SLC11A2: variants seen among roughly 807,000 people sequenced by gnomAD.
SLC11A2 encodes solute carrier family 11 member 2.
In SLC11A2, 38 loss-of-function variants were observed where a neutral mutation model predicts 68.0. The observed-to-expected ratio is 0.56, with a 90% confidence interval of 0.43 to 0.73. SLC11A2 has a LOEUF of 0.73. Ranked by LOEUF, SLC11A2 falls within the 30% of genes least tolerant of loss-of-function variation. The probability of loss-of-function intolerance (pLI) is 0.00; values close to 1 mark genes in which losing one functional copy is unlikely to be tolerated. For synonymous variants in SLC11A2, 242 were observed against 250.6 expected (o/e 0.97, Z 0.32); for missense variants, 517 against 690.5 (o/e 0.75, Z 2.82).
At position 51,025,855 on chromosome 12, in the gene SLC11A2, A is replaced by G. The variant is rs1944347499; in HGVS notation, c.-39+455T>C. Reference sequence around the variant, plus strand: ...TTAGGTTATAATGAGTCTTTTGTTGAAGCGGGGCGGCGGGAGGCCCCGGAG... The same window carrying G: ...TTAGGTTATAATGAGTCTTTTGTTGGAGCGGGGCGGCGGGAGGCCCCGGAG... On this transcript the variant is annotated intron_variant, in intron 1 of 15. Transcript: ENST00000262052. 28 of 988,502 alleles carry G rather than the reference A, an allele frequency of 2.8e-5. No individual in the cohort carries two copies. The South Asian group carries it at 1.0e-3, about 35-fold the overall frequency. The allele number at this position is 988,502 out of a possible 1,614,324, so 61.2% of individuals were successfully genotyped here. A position where few individuals can be genotyped will look rare whatever the true frequency, so the allele number is the denominator to read the frequency against.
chr12:50,983,048 G>T (rs1222384465), downstream of SLC11A2, among the ~76,000 whole-genome samples: 2 of 151,524 alleles, frequency 1.3e-5, no homozygotes, highest in Non-Finnish European at 3.0e-5. Context: ...TAGAGACAAG[G>T]CCTCACTATG....
downstream of SLC11A2, chr12:50,981,656 C>T (rs116261248): frequency 1.3e-3 from 1,267 of 986,430 alleles, 11 homozygotes; most frequent in African/African-American, 0.018. Context: ...CTAACAGAGA[C>T]GTTAACGGGA....
chr12:50,999,727 G>A (rs1243628593), intron 6 of SLC11A2, among the ~76,000 whole-genome samples: 1 of 152,132 alleles, frequency 6.6e-6, no homozygotes, highest in African/African-American at 2.4e-5. Flanking sequence ...AGTGGGGGCT[G>A]GGTGTAGTGG....
chr12:50,955,013 C>T, the SLC11A2 span, among the ~76,000 whole-genome samples: 4 of 152,134 alleles, frequency 2.6e-5, no homozygotes, highest in African/African-American at 4.8e-5. Flanking sequence ...ATAATTAGGC[C>T]GGGCACAGTG....
At chr12:50,978,245 A>G (rs1314934512), downstream of SLC11A2, among the ~76,000 whole-genome samples, 2 of 150,566 alleles carry the variant, frequency 1.3e-5, no homozygotes, top group Admixed American at 1.3e-4. Context: ...ACCAACCCAA[A>G]TGTCCAACAA....
the SLC11A2 span, among the ~76,000 whole-genome samples, chr12:50,963,349 G>A: frequency 2.6e-5 from 3 of 114,388 alleles, no homozygotes; most frequent in Non-Finnish European, 5.1e-5. Context: ...CAGCCTGGGT[G>A]AAAGGGCAAG....
At chr12:50,966,558 C>T in the SLC11A2 span, among the ~76,000 whole-genome samples, 1 of 152,180 alleles carries the variant, frequency 6.6e-6, no homozygotes, top group Admixed American at 6.5e-5. Flanking sequence ...CAGACATTAC[C>T]ATATTTCCCT....
intron 12 of SLC11A2, 54 bp downstream of exon 12, chr12:50,992,749 AGAAGAAG>A: frequency 6.9e-7 from 1 of 1,450,912 alleles, no homozygotes. Flanking sequence ...AAAAAAAAGA[AGAAGAAG>A]AAGAAGTAAC....
Position 51,005,293 on chromosome 12 carries a change from G to A in SLC11A2, c.309+18C>T. On this transcript the variant is annotated intron_variant, in intron 4 of 15. Transcript: ENST00000262052. ...GTATTATGTGCTTAAAAGGACAGGGGTAGGACTAGATGTTCACCTTAAATC... is the reference window on the plus strand; with the variant it reads ...GTATTATGTGCTTAAAAGGACAGGGATAGGACTAGATGTTCACCTTAAATC... 1 of 1,613,382 alleles carries A rather than the reference G, an allele frequency of 6.2e-7. No individual in the cohort carries two copies. The highest frequency in any genetic ancestry group is 8.5e-7 in the Non-Finnish European group (1 of 1,179,450).
chr12:51,003,279 T>C (rs112132734), intron 5 of SLC11A2, among the ~76,000 whole-genome samples: 2,828 of 152,020 alleles, frequency 0.019, 73 homozygotes, highest in African/African-American at 0.064. Flanking sequence ...GGCTCATGCC[T>C]GTAATCCCAG....
At chr12:50,961,450 A>G in the SLC11A2 span, among the ~76,000 whole-genome samples, 7 of 152,164 alleles carry the variant, frequency 4.6e-5, no homozygotes, top group African/African-American at 1.7e-4. Context: ...CATGGCTAAG[A>G]GCAGCGATCG....
Position 51,000,469 on chromosome 12 carries a change from A to G in SLC11A2, c.430-50T>C, listed in dbSNP as rs758577494. 30 of 1,414,506 alleles carry G rather than the reference A, an allele frequency of 2.1e-5. No homozygotes were observed. The African/African-American group carries it at 3.1e-4, about 15-fold the overall frequency. The allele number at this position is 1,414,506 out of a possible 1,614,324, so 87.6% of individuals were successfully genotyped here. On this transcript the variant is annotated intron_variant, in intron 5 of 15. Coordinates refer to ENST00000262052, the MANE Select transcript of SLC11A2 (RefSeq NM_000617.3). ...ACGGTTCTGATTAATCATTTCTAAA[A>G]AATTCCTCCACAATTTGGAATTCAC...
chr12:51,009,090 C>T, intron 2 of SLC11A2: 2 of 1,295,774 alleles, frequency 1.5e-6, no homozygotes, highest in Non-Finnish European at 2.2e-6. Context: ...AATGTCCTCC[C>T]CACCTCCTAT....
chr12:50,958,068 AGT>A, the SLC11A2 span, among the ~76,000 whole-genome samples: 16 of 151,380 alleles, frequency 1.1e-4, no homozygotes, highest in African/African-American at 3.6e-4. Context: ...GGCCTGCCAA[AGT>A]GCTGGCATTA....
chr12:50,968,401 G>C, the SLC11A2 span, among the ~76,000 whole-genome samples: 6 of 151,398 alleles, frequency 4.0e-5, no homozygotes, highest in South Asian at 6.3e-4. Flanking sequence ...GTGTGTGTGT[G>C]GGGGGAGACA....
chr12:51,025,800 A>T (rs1287391965), intron 1 of SLC11A2: 1 of 986,360 alleles, frequency 1.0e-6, no homozygotes, highest in African/African-American at 1.7e-5. Flanking sequence ...TATGCAGGCT[A>T]TTCACACAGA....
chr12:50,994,593 C>G lies in SLC11A2; in HGVS notation c.1028G>C (p.Gly343Ala). The part of the protein sequence containing the change: ...VCTNTSSPHA[G>A]LFPKDNSTLA... Reference sequence around the variant, plus strand: ...TGTCGAGTTATCTTTAGGAAAGAGGCCAGCATGAGGACTGCTGGTATTTGT... The same window carrying G: ...TGTCGAGTTATCTTTAGGAAAGAGGGCAGCATGAGGACTGCTGGTATTTGT... Residue 343 changes from glycine to alanine, a missense_variant, in exon 11 of 16, where the codon GGC becomes GCC. Gly to Ala is a moderately conservative substitution (Grantham distance 60, BLOSUM62 0). Coordinates refer to ENST00000262052, the MANE Select transcript of SLC11A2 (RefSeq NM_000617.3). The G allele has an allele frequency of 1.9e-6, 3 of 1,612,802 alleles. No individual in the cohort carries two copies. The East Asian group carries it at 6.7e-5, about 36-fold the overall frequency.
At chr12:50,971,691 T>C in the SLC11A2 span, among the ~76,000 whole-genome samples, 6 of 152,142 alleles carry the variant, frequency 3.9e-5, no homozygotes, top group Non-Finnish European at 8.8e-5. Context: ...ACTCCAAGCC[T>C]AGGAGAGAAA....
At chr12:51,021,370 A>G (rs1015633875) in intron 1 of SLC11A2, among the ~76,000 whole-genome samples, 7 of 152,176 alleles carry the variant, frequency 4.6e-5, no homozygotes, top group Admixed American at 3.9e-4. Context: ...TCACACCCAT[A>G]ATGCCAGCAC....
Sources: allele counts gnomAD v4.1 joint callset (sites outside exome capture counted in the v4.1 genomes callset), GRCh38; gene constraint gnomAD v4.1.1; transcripts MANE v1.5; gene names NCBI Gene and HGNC (gene_info 2026-07-23, HGNC 2026-07-21).